The following SLC39A11 variants were observed in gnomAD, a reference collection of about 807,000 sequenced individuals.
The protein encoded by SLC39A11 is solute carrier family 39 member 11.
SLC39A11 carries 33 observed loss-of-function variants against 36.1 expected under a neutral mutation model. That is an observed-to-expected ratio of 0.91 (90% CI 0.69 to 1.22). SLC39A11 has a LOEUF of 1.22. Among genes scored for constraint, SLC39A11 ranks in the 50% most tolerant of loss-of-function variants. SLC39A11 has a pLI of 0.00. For missense variants in SLC39A11, 432 were observed against 430.3 expected, an observed-to-expected ratio of 1.00 and a Z score of -0.03; for synonymous variants, 166 against 170.3, an observed-to-expected ratio of 0.97 and a Z score of 0.20.
At position 73,021,001 on chromosome 17, in the gene SLC39A11, C is replaced by T. The variant is rs192947933; in HGVS notation, c.306+10555G>A. On this transcript the variant is annotated intron_variant, in intron 4 of 9. Transcript: ENST00000255559. ...CAGCCCGGAGAGAACAATGCTTTGG[C>T]TTTCCAGTGCTTTTCACAGAACTCC... Among the ~76,000 whole-genome samples the T allele has an allele frequency of 1.1e-3, 167 of 152,200 alleles. No homozygotes were observed. The East Asian group carries it at 0.018, about 16-fold the overall frequency.
At chr17:72,926,579 C>T (rs1353320107) in intron 5 of SLC39A11, among the ~76,000 whole-genome samples, 3 of 152,022 alleles carry the variant, frequency 2.0e-5, no homozygotes, top group Non-Finnish European at 4.4e-5. Context: ...ATAAGATTGC[C>T]TTTGTTTTTA....
At chr17:72,660,225 G>A (rs932954519) in intron 7 of SLC39A11, among the ~76,000 whole-genome samples, 11 of 152,230 alleles carry the variant, frequency 7.2e-5, no homozygotes, top group African/African-American at 2.4e-4. Context: ...GCAACCGCCT[G>A]CGGTTGAAAC....
chr17:72,992,608 T>G (rs139770651), intron 4 of SLC39A11, among the ~76,000 whole-genome samples: 210 of 152,358 alleles, frequency 1.4e-3, no homozygotes, highest in Non-Finnish European at 2.7e-3. Flanking sequence ...CTCACAAGCC[T>G]TGGCTTGAAT....
chr17:72,976,848 CA>C (rs11420956), intron 4 of SLC39A11, among the ~76,000 whole-genome samples: 45 of 130,922 alleles, frequency 3.4e-4, no homozygotes, highest in Admixed American at 3.9e-4. Context: ...GACTCCGTCT[CA>C]AAAAAAAAAA....
chr17:73,032,204 A>G (rs1247710995), intron 3 of SLC39A11, among the ~76,000 whole-genome samples: 3 of 147,120 alleles, frequency 2.0e-5, no homozygotes, highest in Non-Finnish European at 4.5e-5. Context: ...GCGAATTCCT[A>G]TTCTTTTTTT....
chr17:72,889,174 A>G (rs2081592161), intron 5 of SLC39A11, among the ~76,000 whole-genome samples: 1 of 152,210 alleles, frequency 6.6e-6, no homozygotes, highest in Non-Finnish European at 1.5e-5. Context: ...TTAAACCATT[A>G]ATTTAGTTAC....
At chr17:72,919,976 T>G (rs16977437) in intron 5 of SLC39A11, among the ~76,000 whole-genome samples, 10,992 of 152,230 alleles carry the variant, frequency 0.072, 1,208 homozygotes, top group African/African-American at 0.24. Context: ...ATGTTTGAGA[T>G]CAATGGACTG....
At chr17:72,663,513 C>A (rs2070576450) in intron 7 of SLC39A11, among the ~76,000 whole-genome samples, 1 of 152,148 alleles carries the variant, frequency 6.6e-6, no homozygotes, top group South Asian at 2.1e-4. Context: ...ATGGGCCTCT[C>A]CTGAAGGAGA....
intron 6 of SLC39A11, among the ~76,000 whole-genome samples, chr17:72,761,163 G>A (rs1222904565): frequency 6.6e-6 from 1 of 152,126 alleles, no homozygotes; most frequent in Non-Finnish European, 1.5e-5. Flanking sequence ...TGCCCAGACT[G>A]GAGTGCAGTG....
At chr17:73,060,854 T>G (rs1225462008) in intron 3 of SLC39A11, among the ~76,000 whole-genome samples, 2 of 152,188 alleles carry the variant, frequency 1.3e-5, no homozygotes, top group Non-Finnish European at 2.9e-5. Context: ...ACAACTAAAT[T>G]TCCTTGTCAA....
intron 7 of SLC39A11, among the ~76,000 whole-genome samples, chr17:72,683,583 C>G (rs903181935): frequency 1.3e-5 from 2 of 151,996 alleles, no homozygotes; most frequent in Non-Finnish European, 2.9e-5. Context: ...GTGATCCTCC[C>G]GCCTCTGCTT....
intron 4 of SLC39A11, among the ~76,000 whole-genome samples, chr17:72,968,112 G>T (rs2087155023): frequency 6.6e-6 from 1 of 152,200 alleles, no homozygotes; most frequent in Admixed American, 6.5e-5. Context: ...TGTGGGCCTG[G>T]AAAGCAATGT....
chr17:72,708,158 G>C (rs760925309), intron 7 of SLC39A11, among the ~76,000 whole-genome samples: 11 of 152,166 alleles, frequency 7.2e-5, no homozygotes, highest in Non-Finnish European at 1.2e-4. Context: ...GTGTCAACTT[G>C]ACTGGGCCAG....
intron 4 of SLC39A11, among the ~76,000 whole-genome samples, chr17:73,009,033 G>A (rs538518651): frequency 7.3e-6 from 1 of 136,062 alleles, no homozygotes; most frequent in Non-Finnish European, 1.5e-5. Flanking sequence ...CTGCACTCCA[G>A]CCTGGGTGAC....
chr17:72,807,859 C>T (rs1219853663), intron 6 of SLC39A11, among the ~76,000 whole-genome samples: 1 of 152,170 alleles, frequency 6.6e-6, no homozygotes, highest in Non-Finnish European at 1.5e-5. Flanking sequence ...GTGGGAACCC[C>T]TGATCTACAG....
At chr17:72,919,850 G>A (rs1349389444) in intron 5 of SLC39A11, among the ~76,000 whole-genome samples, 1 of 152,088 alleles carries the variant, frequency 6.6e-6, no homozygotes, top group African/African-American at 2.4e-5. Flanking sequence ...AGGACCACAG[G>A]CTCTGGCTGG....
chr17:73,090,719 T>A (rs1166068090), intron 1 of SLC39A11, among the ~76,000 whole-genome samples: 1 of 152,144 alleles, frequency 6.6e-6, no homozygotes, highest in Non-Finnish European at 1.5e-5. Flanking sequence ...TCAATGTGGA[T>A]CTTGTGGGCT....
intron 4 of SLC39A11, among the ~76,000 whole-genome samples, chr17:72,967,947 C>T (rs1159589805): frequency 2.0e-5 from 3 of 152,146 alleles, no homozygotes; most frequent in Admixed American, 6.5e-5. Flanking sequence ...ATTGTCTACA[C>T]GTGGAGAACT....
intron 3 of SLC39A11, among the ~76,000 whole-genome samples, chr17:73,065,642 T>G (rs1227093121): frequency 2.0e-5 from 3 of 152,144 alleles, no homozygotes; most frequent in Admixed American, 2.0e-4. Flanking sequence ...AATTCTTGCT[T>G]CCAGAATAAC....
Sources: allele counts gnomAD v4.1 joint callset (sites outside exome capture counted in the v4.1 genomes callset), GRCh38; gene constraint gnomAD v4.1.1; transcripts MANE v1.5; gene names NCBI Gene and HGNC (gene_info 2026-07-23, HGNC 2026-07-21).